LYPLAL1: variants seen among roughly 807,000 people sequenced by gnomAD.
LYPLAL1 encodes lysophospholipase like 1.
Under a neutral mutation model 19.7 loss-of-function variants are expected in LYPLAL1, and 23 were observed. The observed-to-expected ratio is 1.17, with a 90% CI of 0.84 to 1.65. The LOEUF (loss-of-function observed/expected upper bound fraction) is 1.65. LYPLAL1 is among the 40% of genes most tolerant of loss of function. The pLI, the probability that LYPLAL1 is intolerant of heterozygous loss-of-function variation, is 0.00. For missense variants in LYPLAL1, 355 were observed against 279.4 expected, an observed-to-expected ratio of 1.27 and a Z score of -1.93; for synonymous variants, 119 against 96.3, an observed-to-expected ratio of 1.24 and a Z score of -1.38.
At chr1:219,260,888 T>G in the LYPLAL1 span, among the ~76,000 whole-genome samples, 8 of 151,750 alleles carry the variant, frequency 5.3e-5, no homozygotes, top group Non-Finnish European at 1.0e-4. Flanking sequence ...ATCCTAATCA[T>G]TAAAAAATAA....
chr1:219,349,640 T>C, the LYPLAL1 span, among the ~76,000 whole-genome samples: 1 of 152,174 alleles, frequency 6.6e-6, no homozygotes, highest in East Asian at 1.9e-4. Flanking sequence ...CATGTTTGTG[T>C]GTATGTGCTT....
chr1:219,329,353 G>A, the LYPLAL1 span, among the ~76,000 whole-genome samples: 6 of 152,166 alleles, frequency 3.9e-5, no homozygotes, highest in African/African-American at 7.2e-5. Context: ...TCTTTGATTC[G>A]TGAATTATAA....
At chr1:219,318,504 C>A in the LYPLAL1 span, among the ~76,000 whole-genome samples, 1 of 151,988 alleles carries the variant, frequency 6.6e-6, no homozygotes, top group East Asian at 1.9e-4. Flanking sequence ...ACAAGGATTA[C>A]ATGTCATTTA....
At chr1:219,401,515 T>C in the LYPLAL1 span, among the ~76,000 whole-genome samples, 1 of 151,858 alleles carries the variant, frequency 6.6e-6, no homozygotes, top group African/African-American at 2.4e-5. Context: ...TCAATTTTTG[T>C]GATAAATTTT....
intron 2 of LYPLAL1, among the ~76,000 whole-genome samples, chr1:219,187,539 A>C (rs1055844976): frequency 2.0e-5 from 3 of 151,746 alleles, no homozygotes; most frequent in Admixed American, 2.0e-4. Context: ...CCATTTAAAA[A>C]TAATTTTTAA....
chr1:219,179,409 T>C lies in LYPLAL1; in HGVS notation c.191+163T>C, dbSNP rs1656081314. The C allele has an allele frequency of 2.4e-5, 14 of 592,854 alleles. 1 individual carries two copies. The East Asian group carries it at 4.5e-4, about 19-fold the overall frequency. 36.7% of individuals were successfully genotyped at this position (592,854 alleles called of 1,614,324 possible). A position where few individuals can be genotyped will look rare whatever the true frequency, so the allele number is the denominator to read the frequency against. On this transcript the variant is annotated intron_variant, in intron 2 of 4. Coordinates refer to ENST00000366928, the MANE Select transcript of LYPLAL1 (RefSeq NM_138794.5). The stretch of plus-strand genomic sequence containing the variant: ...GTATTCTTTATTGCAGTTACACTGT[T>C]GGACCAAGTTTTGCCAGGTGAGTAA...
chr1:219,296,452 AGTTT>A, the LYPLAL1 span, among the ~76,000 whole-genome samples: 1 of 152,142 alleles, frequency 6.6e-6, no homozygotes, highest in Non-Finnish European at 1.5e-5. Flanking sequence ...AACAGTGGTT[AGTTT>A]GTTTGGGCAT....
chr1:219,356,740 AGTT>A, the LYPLAL1 span, among the ~76,000 whole-genome samples: 1 of 152,192 alleles, frequency 6.6e-6, no homozygotes, highest in Non-Finnish European at 1.5e-5. Flanking sequence ...GAAAAGTAGT[AGTT>A]GTTTCAAAAA....
At chr1:219,341,645 A>C in the LYPLAL1 span, among the ~76,000 whole-genome samples, 545 of 152,166 alleles carry the variant, frequency 3.6e-3, 12 homozygotes, top group Admixed American at 0.033. Context: ...ATCTAATGAA[A>C]ACAAAGTTCA....
chr1:219,230,561 G>C, the LYPLAL1 span, among the ~76,000 whole-genome samples: 1 of 152,158 alleles, frequency 6.6e-6, no homozygotes, highest in African/African-American at 2.4e-5. Context: ...AAAGATACAA[G>C]AAAAATATGT....
At chr1:219,221,102 G>A in the LYPLAL1 span, among the ~76,000 whole-genome samples, 1 of 152,144 alleles carries the variant, frequency 6.6e-6, no homozygotes, top group Non-Finnish European at 1.5e-5. Flanking sequence ...TGTTGCCTAC[G>A]CATCAAGAGT....
chr1:219,322,608 C>T, the LYPLAL1 span, among the ~76,000 whole-genome samples: 11 of 152,032 alleles, frequency 7.2e-5, no homozygotes. Flanking sequence ...AAATTGTTTA[C>T]TTGAAACTTC....
At chr1:219,183,333 T>C (rs2125038139) in intron 2 of LYPLAL1, among the ~76,000 whole-genome samples, 1 of 152,192 alleles carries the variant, frequency 6.6e-6, no homozygotes, top group African/African-American at 2.4e-5. Flanking sequence ...TACAGTTTAT[T>C]ATTGTTGTTG....
At chr1:219,202,942 T>C (rs1191118651) in intron 3 of LYPLAL1, among the ~76,000 whole-genome samples, 2 of 152,070 alleles carry the variant, frequency 1.3e-5, no homozygotes, top group Admixed American at 6.5e-5. Context: ...TGCTTCAGTC[T>C]CCCAGAGTGT....
At chr1:219,209,527 T>TA (rs1160535944) in intron 3 of LYPLAL1, among the ~76,000 whole-genome samples, 1 of 152,152 alleles carries the variant, frequency 6.6e-6, no homozygotes, top group African/African-American at 2.4e-5. Context: ...TATGGTCTCT[T>TA]AAGAGCTCAG....
chr1:219,174,992 C>T, intron 1 of LYPLAL1: 1 of 985,314 alleles, frequency 1.0e-6, no homozygotes, highest in Non-Finnish European at 1.2e-6. Context: ...TCAGACTTTT[C>T]GAAGAAAGTG....
At chr1:219,287,777 G>A in the LYPLAL1 span, among the ~76,000 whole-genome samples, 3 of 152,228 alleles carry the variant, frequency 2.0e-5, no homozygotes, top group South Asian at 2.1e-4. Context: ...ACTTGATGGA[G>A]GGGCCTGGTG....
chr1:219,410,611 G>A, the LYPLAL1 span, among the ~76,000 whole-genome samples: 1 of 152,240 alleles, frequency 6.6e-6, no homozygotes, highest in African/African-American at 2.4e-5. Flanking sequence ...GGCTGGCCAA[G>A]GCCGGAGCCC....
At chr1:219,348,848 C>T in the LYPLAL1 span, among the ~76,000 whole-genome samples, 1 of 151,916 alleles carries the variant, frequency 6.6e-6, no homozygotes, top group Non-Finnish European at 1.5e-5. Flanking sequence ...TCTCTAATGG[C>T]AAAGGATGAA....
Sources: gnomAD v4.1 joint callset for allele counts (sites outside exome capture counted in the v4.1 genomes callset) on GRCh38, gnomAD v4.1.1 for gene constraint, MANE v1.5 for transcripts, NCBI Gene and HGNC (gene_info 2026-07-23, HGNC 2026-07-21) for gene names.